Variants in EPG5 observed in about 807,000 individuals in gnomAD.
The protein encoded by EPG5 is ectopic P granules protein 5 homolog.
A neutral mutation model predicts 302.7 loss-of-function variants in EPG5; 159 were observed. The observed-to-expected ratio is 0.53, with a 90% CI of 0.46 to 0.60. The LOEUF is 0.60. Among genes scored for constraint, EPG5 ranks in the 20% least tolerant of loss-of-function variants. The pLI, the probability that EPG5 is intolerant of heterozygous loss-of-function variation, is 0.00. For missense variants in EPG5, 2,896 were observed against 3,092.4 expected, an observed-to-expected ratio of 0.94 and a Z score of 1.51; for synonymous variants, 1,158 against 1,136.8, an observed-to-expected ratio of 1.02 and a Z score of -0.37.
At chr18:45,876,972 C>G (rs2048984269) in intron 34 of EPG5, among the ~76,000 whole-genome samples, 1 of 152,088 alleles carries the variant, frequency 6.6e-6, no homozygotes, top group East Asian at 1.9e-4. Flanking sequence ...TTAGCAGAGA[C>G]AGGGTTTCAC....
chr18:45,852,687 AG>A (rs1348077822), intron 43 of EPG5, 38 bp from the exon 44 acceptor site: 1 of 1,576,298 alleles, frequency 6.3e-7, no homozygotes, highest in African/African-American at 1.4e-5. Context: ...AACTCCATAG[AG>A]GCACATAATG....
rs772756617 is a variant in EPG5, at chr18:45,946,682, A to G, written c.1658T>C (p.Val553Ala). 1.9e-6 allele frequency: 3 copies of G among 1,613,808 alleles called. No homozygotes were observed. The African/African-American group carries it at 4.0e-5, about 22-fold the overall frequency. Reference protein sequence around the residue: ...SGPGSGTWTLVDEGGEEDEDP... With the variant: ...SGPGSGTWTLADEGGEEDEDP... Reference sequence around the variant, plus strand: ...AGTTACCTCTTCTCCTCCTTCGTCTACTAGCGTCCAAGTCCCAGACCCAGG... The same window carrying G: ...AGTTACCTCTTCTCCTCCTTCGTCTGCTAGCGTCCAAGTCCCAGACCCAGG... The change falls in exon 7 of 44, where the codon GTA (valine) becomes GCA (alanine). Residue 553 changes from valine to alanine, a missense_variant. Val to Ala is a moderately conservative substitution (Grantham distance 64). Transcript: ENST00000282041.
chr18:45,805,791 A>G, the EPG5 span, among the ~76,000 whole-genome samples: 2 of 152,210 alleles, frequency 1.3e-5, no homozygotes, highest in African/African-American at 4.8e-5. Flanking sequence ...TCATTGGGAA[A>G]ACATAACAGT....
chr18:45,922,077 T>C (rs1449752689), intron 16 of EPG5, among the ~76,000 whole-genome samples: 1 of 152,014 alleles, frequency 6.6e-6, no homozygotes, highest in Non-Finnish European at 1.5e-5. Flanking sequence ...AGTACGAATC[T>C]ACTGCTGACA....
At chr18:45,845,496 G>C (rs555562040), downstream of EPG5, among the ~76,000 whole-genome samples, 1 of 152,196 alleles carries the variant, frequency 6.6e-6, no homozygotes, top group Non-Finnish European at 1.5e-5. Context: ...GCCTGGCACT[G>C]TCCCTGTAAG....
rs139942774 is a variant in EPG5 at position 45,858,871 on chromosome 18, A to AT, written c.7010-90dup. ...AAATATTTTCACTTTAAGCTTCATG[A>AT]TTTTTTTTTTTGACATAGCAACCTA... On this transcript the variant is annotated intron_variant, in intron 40 of 43. Transcript: ENST00000282041. 0.19 allele frequency: 158,661 copies of AT among 825,534 alleles called. 4,895 individuals carry two copies. The highest frequency in any genetic ancestry group is 0.21 in the Non-Finnish European group (113,764 of 543,732). 51.1% of individuals were successfully genotyped at this position (825,534 alleles called of 1,614,324 possible).
At chr18:45,957,108 G>A (rs1196957938) in intron 1 of EPG5, among the ~76,000 whole-genome samples, 1 of 151,968 alleles carries the variant, frequency 6.6e-6, no homozygotes, top group Admixed American at 6.6e-5. Flanking sequence ...AGTTATACAA[G>A]CTCTTGGTTA....
At chr18:45,922,011 A>G (rs1389827854) in intron 16 of EPG5, among the ~76,000 whole-genome samples, 6 of 152,092 alleles carry the variant, frequency 3.9e-5, no homozygotes, top group Admixed American at 3.9e-4. Context: ...CAATTTTTCA[A>G]AAATTTTACT....
intron 9 of EPG5, among the ~76,000 whole-genome samples, chr18:45,941,326 G>T (rs934573008): frequency 5.9e-5 from 9 of 152,188 alleles, no homozygotes; most frequent in Non-Finnish European, 1.0e-4. Flanking sequence ...ATGCCAAGTA[G>T]GATGAAGAGA....
chr18:45,844,040 G>A (rs960678819), downstream of EPG5: 2 of 151,020 alleles, frequency 1.3e-5, no homozygotes, highest in East Asian at 3.9e-4. Flanking sequence ...GTCCATCCAC[G>A]AATGAATGAA....
chr18:45,946,775 G>A lies in EPG5; in HGVS notation c.1572-7C>T. 4.3e-6 allele frequency: 7 copies of A among 1,612,628 alleles called. No homozygotes were observed. The highest frequency in any genetic ancestry group is 1.1e-5 in the South Asian group (1 of 91,060). On this transcript the variant is annotated splice_polypyrimidine_tract_variant and splice_region_variant and intron_variant, in intron 6 of 43. Transcript: ENST00000282041. ...CATAAACTCAGCTCGATTTCTAAAG[G>A]ACAAGAATAATCACTCCCATCACTT...
At position 45,916,714 on chromosome 18, in the gene EPG5, G is replaced by T. The variant is rs1292813285; in HGVS notation, c.3240-132C>A. 5 of 880,328 alleles carry T rather than the reference G, an allele frequency of 5.7e-6. No individual in the cohort carries two copies. In the East Asian group the frequency reaches 1.1e-4, roughly 19 times the overall value. 54.5% of individuals were successfully genotyped at this position (880,328 alleles called of 1,614,324 possible). A position where few individuals can be genotyped will look rare whatever the true frequency, so the allele number is the denominator to read the frequency against. Reference sequence around the variant, plus strand: ...TCGACCAAAGCACTATTTAAGAAGGGATTCTAGAAGAATAAAGTTTTCACA... The same window carrying T: ...TCGACCAAAGCACTATTTAAGAAGGTATTCTAGAAGAATAAAGTTTTCACA... On this transcript the variant is annotated intron_variant, in intron 17 of 43. Coordinates refer to ENST00000282041, the MANE Select transcript of EPG5 (RefSeq NM_020964.3).
chr18:45,887,715 T>C, intron 29 of EPG5, 36 bp downstream of exon 29: 2 of 1,468,202 alleles, frequency 1.4e-6, no homozygotes, highest in Non-Finnish European at 1.8e-6. Context: ...CAGAGACTCA[T>C]TATCTGATCA....
At chr18:45,920,965 A>T (rs188889953) in intron 16 of EPG5, among the ~76,000 whole-genome samples, 2 of 152,062 alleles carry the variant, frequency 1.3e-5, no homozygotes, top group Non-Finnish European at 2.9e-5. Flanking sequence ...TACATTAGAG[A>T]TACTTAGAGA....
chr18:45,868,169 T>C (rs2145282514), intron 36 of EPG5: 1 of 456,342 alleles, frequency 2.2e-6, no homozygotes, highest in South Asian at 1.5e-5. Flanking sequence ...GGAAGGTATA[T>C]TAAAACAGAC....
chr18:45,921,744 T>A (rs1193344852), intron 16 of EPG5, among the ~76,000 whole-genome samples: 1 of 151,838 alleles, frequency 6.6e-6, no homozygotes, highest in Non-Finnish European at 1.5e-5. Flanking sequence ...TTCTCACTCA[T>A]AGGTGGAAAT....
Position 45,852,595 on chromosome 18 carries a change from C to G in EPG5, c.7612G>C (p.Asp2538His). 1 of 1,614,110 alleles carries G rather than the reference C, an allele frequency of 6.2e-7. No individual in the cohort carries two copies. Among genetic ancestry groups the G allele is most frequent in the Non-Finnish European group, 8.5e-7 (1 of 1,180,030 alleles). Residue 2538 changes from aspartate to histidine, a missense_variant, in exon 44 of 44, where the codon GAT (aspartate) becomes CAT (histidine). Transcript: ENST00000282041. ...ASSKQYVEYQ[D>H]QILQATQFIR... ...AATTGGGTGGCTTGCAATATTTGAT[C>G]CTGGTATTCAACATACTGCTTACTT...
chr18:45,957,248 T>G (rs984345190), intron 1 of EPG5, among the ~76,000 whole-genome samples: 1 of 152,216 alleles, frequency 6.6e-6, no homozygotes, highest in Non-Finnish European at 1.5e-5. Context: ...GAAATGAACC[T>G]GACTGCCAAA....
chr18:45,880,245 G>GC (rs753222636), intron 31 of EPG5, 22 bp from the exon 32 acceptor site: 2 of 1,558,460 alleles, frequency 1.3e-6, no homozygotes, highest in Admixed American at 4.0e-5. Flanking sequence ...GACAGGAAGA[G>GC]CAAGTCAGTG....
Sources: allele counts gnomAD v4.1 joint callset (sites outside exome capture counted in the v4.1 genomes callset), GRCh38; gene constraint gnomAD v4.1.1; transcripts MANE v1.5; gene names NCBI Gene and HGNC (gene_info 2026-07-23, HGNC 2026-07-21).